The following NAALADL2 variants were observed in gnomAD, a reference collection of about 807,000 sequenced individuals.
The protein encoded by NAALADL2 is N-acetylated alpha-linked acidic dipeptidase like 2.
A neutral mutation model predicts 87.2 loss-of-function variants in NAALADL2; 76 were observed. That is an observed-to-expected ratio of 0.87 (90% CI 0.72 to 1.05). NAALADL2 has a LOEUF of 1.05. Among genes scored for constraint, NAALADL2 ranks in the 50% least tolerant of loss-of-function variants. The probability of loss-of-function intolerance (pLI) is 0.00; values close to 1 mark genes in which losing one functional copy is unlikely to be tolerated. For missense variants in NAALADL2, 1,089 were observed against 945.8 expected (o/e 1.15, Z -1.99); for synonymous variants, 354 against 331.0 (o/e 1.07, Z -0.75).
intron 2 of NAALADL2, among the ~76,000 whole-genome samples, chr3:175,133,120 G>A (rs1464014528): frequency 2.7e-5 from 4 of 148,082 alleles, no homozygotes; most frequent in Non-Finnish European, 4.4e-5. Flanking sequence ...CATCTCAGAC[G>A]ATGGGCGGCC....
At chr3:174,464,486 A>G (rs1302510950) in intron 1 of NAALADL2, among the ~76,000 whole-genome samples, 2 of 151,944 alleles carry the variant, frequency 1.3e-5, no homozygotes, top group African/African-American at 4.8e-5. Context: ...ATTTACCTAA[A>G]TAAAATAGAA....
intron 11 of NAALADL2, among the ~76,000 whole-genome samples, chr3:175,654,192 T>C (rs1444569119): frequency 6.6e-6 from 1 of 152,222 alleles, no homozygotes; most frequent in African/African-American, 2.4e-5. Flanking sequence ...TCTTTCCTTA[T>C]ATTCTGGTGT....
At chr3:175,513,737 C>T (rs992671162) in intron 9 of NAALADL2, among the ~76,000 whole-genome samples, 2 of 152,138 alleles carry the variant, frequency 1.3e-5, no homozygotes, top group Non-Finnish European at 2.9e-5. Flanking sequence ...TAGACAGCAG[C>T]GTGTGGCATC....
intron 2 of NAALADL2, among the ~76,000 whole-genome samples, chr3:175,231,751 T>C (rs753003498): frequency 4.6e-5 from 7 of 152,134 alleles, no homozygotes; most frequent in Non-Finnish European, 1.0e-4. Flanking sequence ...CTGTCAATGT[T>C]ACTGATATAT....
At chr3:174,446,951 C>G (rs1577930969) in intron 1 of NAALADL2, among the ~76,000 whole-genome samples, 2 of 152,026 alleles carry the variant, frequency 1.3e-5, no homozygotes, top group Admixed American at 6.6e-5. Flanking sequence ...GTTCTGGACC[C>G]CTTTTTTGCA....
intron 11 of NAALADL2, among the ~76,000 whole-genome samples, chr3:175,712,933 T>A (rs757781964): frequency 7.9e-5 from 12 of 152,076 alleles, no homozygotes; most frequent in Non-Finnish European, 1.8e-4. Flanking sequence ...GGGGGTTAGA[T>A]TGCTTTTGCA....
intron 2 of NAALADL2, among the ~76,000 whole-genome samples, chr3:174,685,856 G>T (rs1727989792): frequency 7.4e-6 from 1 of 135,272 alleles, no homozygotes; most frequent in Admixed American, 8.1e-5. Context: ...AGTGTGTGTT[G>T]TTCCCCTCTG....
intron 2 of NAALADL2, among the ~76,000 whole-genome samples, chr3:175,152,228 C>T (rs1731651208): frequency 6.6e-6 from 1 of 152,086 alleles, no homozygotes; most frequent in South Asian, 2.1e-4. Context: ...ATCTAGTTTT[C>T]TGTAAGAAAA....
intron 1 of NAALADL2, among the ~76,000 whole-genome samples, chr3:174,980,473 T>A (rs1270528217): frequency 2.6e-5 from 4 of 152,120 alleles, no homozygotes; most frequent in African/African-American, 7.2e-5. Flanking sequence ...GAATACCCAT[T>A]GCACTGCATC....
At position 174,661,143 on chromosome 3, in the gene NAALADL2, C is replaced by T. The variant is rs569161535; in HGVS notation, c.-114-76498C>T. On this transcript the variant is annotated intron_variant, in intron 2 of 3. Transcript: ENST00000434257. ...TGTTCATTTGTTTGTGATTGGAATA[C>T]GCCTGTAATATTTCTGAGGAAATCT... Among the ~76,000 whole-genome samples, 13 of 152,244 alleles carry T rather than the reference C, an allele frequency of 8.5e-5. No individual in the cohort carries two copies. In the East Asian group the frequency reaches 9.7e-4, roughly 11 times the overall value.
At chr3:175,031,239 C>T (rs1752761438) in intron 1 of NAALADL2, among the ~76,000 whole-genome samples, 1 of 151,898 alleles carries the variant, frequency 6.6e-6, no homozygotes, top group African/African-American at 2.4e-5. Flanking sequence ...ACCCAGGTAG[C>T]CTGGTACCCA....
At chr3:175,529,801 T>C (rs1193855663) in intron 9 of NAALADL2, among the ~76,000 whole-genome samples, 2 of 152,164 alleles carry the variant, frequency 1.3e-5, no homozygotes, top group Non-Finnish European at 2.9e-5. Context: ...CCATGGATCG[T>C]AGTCTTGGCA....
chr3:174,558,796 A>C (rs1355615838), intron 2 of NAALADL2, among the ~76,000 whole-genome samples: 1 of 152,086 alleles, frequency 6.6e-6, no homozygotes, highest in Non-Finnish European at 1.5e-5. Context: ...GCTAGAACGC[A>C]ATTTCATCAG....
chr3:174,741,694 T>A (rs540986309), intron 3 of NAALADL2, among the ~76,000 whole-genome samples: 1 of 151,804 alleles, frequency 6.6e-6, no homozygotes, highest in Admixed American at 6.6e-5. Context: ...TTTAGCTTTA[T>A]ATAGATAAAT....
chr3:175,737,781 C>T (rs1407888312), intron 12 of NAALADL2, among the ~76,000 whole-genome samples: 4 of 129,128 alleles, frequency 3.1e-5, no homozygotes, highest in Non-Finnish European at 6.2e-5. Flanking sequence ...ACAAGATTGG[C>T]CCAGAAGTTT....
chr3:175,533,432 G>A (rs531097441), intron 9 of NAALADL2, among the ~76,000 whole-genome samples: 64 of 152,256 alleles, frequency 4.2e-4, no homozygotes, highest in African/African-American at 1.5e-3. Flanking sequence ...CTGCCTCAGG[G>A]GAGGCCATCA....
intron 1 of NAALADL2, among the ~76,000 whole-genome samples, chr3:174,954,022 C>T (rs991586582): frequency 2.6e-5 from 4 of 151,938 alleles, no homozygotes; most frequent in East Asian, 3.9e-4. Flanking sequence ...TTAATGCCAC[C>T]GTTCCTTGGA....
At chr3:175,504,531 G>A (rs572337772) in intron 9 of NAALADL2, among the ~76,000 whole-genome samples, 2 of 150,388 alleles carry the variant, frequency 1.3e-5, no homozygotes, top group South Asian at 2.1e-4. Flanking sequence ...AGAAAAGAAA[G>A]TTTTCTCTCT....
chr3:174,506,183 CTT>C (rs58179047), intron 1 of NAALADL2, among the ~76,000 whole-genome samples: 106 of 140,822 alleles, frequency 7.5e-4, no homozygotes, highest in Non-Finnish European at 7.0e-4. Context: ...TGGTTTATAT[CTT>C]TTTTTTTTTT....
Sources: gnomAD v4.1 joint callset for allele counts (sites outside exome capture counted in the v4.1 genomes callset) on GRCh38, gnomAD v4.1.1 for gene constraint, MANE v1.5 for transcripts, NCBI Gene and HGNC (gene_info 2026-07-23, HGNC 2026-07-21) for gene names.